The following GKAP1 variants were observed in gnomAD, a reference collection of about 807,000 sequenced individuals.
The protein encoded by GKAP1 is G kinase anchoring protein 1.
GKAP1 carries 31 observed loss-of-function variants against 56.7 expected under a neutral mutation model. That is an observed-to-expected ratio of 0.55 (90% CI 0.41 to 0.74). The LOEUF is 0.74. Ranked by LOEUF, GKAP1 falls within the 30% of genes least tolerant of loss-of-function variation. The pLI is 0.00. For synonymous variants in GKAP1, 151 were observed against 138.6 expected (o/e 1.09, Z -0.63); for missense variants, 364 against 402.3 (o/e 0.90, Z 0.82).
chr9:83,803,247 C>T (rs540814686), intron 3 of GKAP1, among the ~76,000 whole-genome samples: 4 of 151,726 alleles, frequency 2.6e-5, no homozygotes, highest in African/African-American at 9.7e-5. Flanking sequence ...TCCCCTCTCC[C>T]CTCTCCCTCT....
At chr9:83,768,743 T>A in intron 8 of GKAP1, 75 bp downstream of exon 8, 1 of 1,243,084 alleles carries the variant, frequency 8.0e-7, no homozygotes, top group Non-Finnish European at 1.1e-6. Context: ...TTGATTCTAC[T>A]GCTTACTTGT....
intron 2 of GKAP1, among the ~76,000 whole-genome samples, chr9:83,814,721 A>C (rs1944558589): frequency 6.6e-6 from 1 of 152,266 alleles, no homozygotes; most frequent in African/African-American, 2.4e-5. Flanking sequence ...AGAAAAAGAA[A>C]TATGTGAAGT....
intron 4 of GKAP1, among the ~76,000 whole-genome samples, chr9:83,792,092 G>C (rs920259540): frequency 6.6e-6 from 1 of 152,194 alleles, no homozygotes; most frequent in Admixed American, 6.5e-5. Context: ...CATGCTAGCT[G>C]TGACTTTGAA....
intron 8 of GKAP1, among the ~76,000 whole-genome samples, chr9:83,766,092 G>T (rs1943659043): frequency 6.6e-6 from 1 of 152,132 alleles, no homozygotes; most frequent in Non-Finnish European, 1.5e-5. Flanking sequence ...GGAGATAATT[G>T]AATTATGGGG....
At chr9:83,783,265 A>G (rs1944007671) in intron 6 of GKAP1, among the ~76,000 whole-genome samples, 1 of 152,220 alleles carries the variant, frequency 6.6e-6, no homozygotes, top group African/African-American at 2.4e-5. Context: ...ATAGCTGTTC[A>G]TACGGTGAGC....
At chr9:83,798,601 C>T (rs1485056909) in intron 4 of GKAP1, among the ~76,000 whole-genome samples, 2 of 152,162 alleles carry the variant, frequency 1.3e-5, no homozygotes, top group African/African-American at 2.4e-5. Context: ...ACTGCAGCCT[C>T]GACCTCCTGA....
Position 83,739,578 on chromosome 9 carries a change from T to C in GKAP1, c.*119A>G. 1.6e-6 allele frequency: 1 copy of C among 616,164 alleles called. No individual in the cohort carries two copies. The highest frequency in any genetic ancestry group is 2.8e-6 in the Non-Finnish European group (1 of 360,460). 38.2% of individuals were successfully genotyped at this position (616,164 alleles called of 1,614,324 possible). On this transcript the variant is annotated 3_prime_UTR_variant, in exon 13 of 13. Coordinates refer to ENST00000376371, the MANE Select transcript of GKAP1 (RefSeq NM_025211.4). ...AATTATAGACCATTAGGGAGCTAGT[T>C]GCTTTTAGTTCCTTCAAGAAAAACT...
rs1943215565 is a variant in GKAP1, at chr9:83,741,939, T to C, written c.1053+13A>G. 2.0e-6 allele frequency: 3 copies of C among 1,473,878 alleles called. No individual in the cohort carries two copies. The highest frequency in any genetic ancestry group is 2.8e-6 in the Non-Finnish European group (3 of 1,064,254). 91.3% of individuals were successfully genotyped at this position (1,473,878 alleles called of 1,614,324 possible). The stretch of plus-strand genomic sequence containing the variant: ...ATTTGTGATAAAAACACTTATAAAT[T>C]ATAAAAGCATACCTGGTATTTGGCT... On this transcript the variant is annotated intron_variant, in intron 12 of 12. Transcript: ENST00000376371.
chr9:83,780,435 T>A, intron 6 of GKAP1, 31 bp from the exon 7 acceptor site: 1 of 1,059,908 alleles, frequency 9.4e-7, no homozygotes, highest in Non-Finnish European at 1.4e-6. Context: ...AAGATGAAAC[T>A]TTATTGAAGG....
intron 2 of GKAP1, among the ~76,000 whole-genome samples, chr9:83,814,810 G>A (rs937412429): frequency 6.6e-6 from 1 of 152,226 alleles, no homozygotes; most frequent in Admixed American, 6.5e-5. Context: ...TTTCATTACG[G>A]TAAGTACTAT....
chr9:83,763,904 C>T (rs1460050409), intron 8 of GKAP1, among the ~76,000 whole-genome samples: 3 of 152,088 alleles, frequency 2.0e-5, no homozygotes, highest in Admixed American at 6.6e-5. Flanking sequence ...CAAACTATCA[C>T]TTCGGTTTAA....
chr9:83,748,415 T>C (rs1943330292), intron 9 of GKAP1, 43 bp from the exon 10 acceptor site: 1 of 1,123,604 alleles, frequency 8.9e-7, no homozygotes, highest in Non-Finnish European at 1.3e-6. Flanking sequence ...TAAAAGTAAG[T>C]GATATAATTA....
intron 4 of GKAP1, among the ~76,000 whole-genome samples, chr9:83,794,062 G>A (rs903075364): frequency 6.6e-6 from 1 of 152,064 alleles, no homozygotes; most frequent in African/African-American, 2.4e-5. Flanking sequence ...CAGCTACTTG[G>A]GAGGCTGAGG....
chr9:83,811,720 G>A (rs2131329415), intron 2 of GKAP1, among the ~76,000 whole-genome samples: 1 of 152,154 alleles, frequency 6.6e-6, no homozygotes, highest in East Asian at 1.9e-4. Context: ...TTTGATCAGG[G>A]TAAAGTGCAA....
intron 7 of GKAP1, among the ~76,000 whole-genome samples, chr9:83,773,897 A>T (rs1285686469): frequency 6.6e-6 from 1 of 152,202 alleles, no homozygotes; most frequent in Non-Finnish European, 1.5e-5. Flanking sequence ...GCTATAAAAA[A>T]TTGTCCAATT....
At chr9:83,739,827 G>T in intron 12 of GKAP1, 83 bp from the exon 13 acceptor site, 2 of 1,065,268 alleles carry the variant, frequency 1.9e-6, no homozygotes, top group South Asian at 1.4e-5. Context: ...TAGACCAAAG[G>T]CATCTTGGGG....
At chr9:83,787,574 A>G (rs1944086773) in intron 5 of GKAP1, among the ~76,000 whole-genome samples, 1 of 152,226 alleles carries the variant, frequency 6.6e-6, no homozygotes, top group Non-Finnish European at 1.5e-5. Context: ...GACATGGCCA[A>G]AAAGTCTTCA....
rs1166923052 is a variant in GKAP1 at position 83,794,920 on chromosome 9, T to C, written c.360+4265A>G. Among the ~76,000 whole-genome samples the C allele has an allele frequency of 2.0e-5, 3 of 151,682 alleles. No individual in the cohort carries two copies. In the South Asian group the frequency reaches 6.2e-4, roughly 32 times the overall value. On this transcript the variant is annotated intron_variant, in intron 4 of 12. Coordinates refer to ENST00000376371, the MANE Select transcript of GKAP1 (RefSeq NM_025211.4). ...ATCCCAGCACTTTGGTAGGTGGAGG[T>C]GGGGAGGGGAGGATCATCTGAGGTC...
intron 4 of GKAP1, among the ~76,000 whole-genome samples, chr9:83,792,690 A>G (rs1033670319): frequency 2.6e-5 from 4 of 152,220 alleles, no homozygotes; most frequent in African/African-American, 9.6e-5. Context: ...AAAGACTGCT[A>G]TAACTATAGC....
Sources: gnomAD v4.1 joint callset for allele counts (sites outside exome capture counted in the v4.1 genomes callset) on GRCh38, gnomAD v4.1.1 for gene constraint, MANE v1.5 for transcripts, NCBI Gene and HGNC (gene_info 2026-07-23, HGNC 2026-07-21) for gene names.